POLE: variants seen among roughly 807,000 people sequenced by gnomAD.
The protein encoded by POLE is DNA polymerase epsilon catalytic subunit A.
POLE carries 188 observed loss-of-function variants against 279.2 expected under a neutral mutation model. The observed-to-expected ratio is 0.67, with a 90% CI of 0.60 to 0.76. The LOEUF (loss-of-function observed/expected upper bound fraction) is 0.76, where lower values mean the gene tolerates loss of function less well. Ranked by LOEUF, POLE falls within the 30% of genes least tolerant of loss-of-function variation. The pLI is 0.00. For synonymous variants in POLE, 1,214 were observed against 1,172.5 expected, an observed-to-expected ratio of 1.04 and a Z score of -0.72; for missense variants, 2,703 against 3,016.7, an observed-to-expected ratio of 0.90 and a Z score of 2.44.
intron 39 of POLE, chr12:132,641,122 G>GTCT: frequency 2.2e-6 from 1 of 453,332 alleles, no homozygotes. Context: ...GCTGATGTGG[G>GTCT]GACAGAGGCA....
In POLE at chr12:132,660,974, T is replaced by C. The variant is rs763251894; in HGVS notation, c.3055A>G (p.Ser1019Gly). ...VADYWLDVLY[S>G]KAANMPDSEL... is the part of the protein sequence containing the mutation. ...GGTGGAGGGTAGGCCTTTACCTTGCTGTACAGCACGTCCAGCCAGTAGTCA... is the reference window on the plus strand; with the variant it reads ...GGTGGAGGGTAGGCCTTTACCTTGCCGTACAGCACGTCCAGCCAGTAGTCA... The change falls in exon 25 of 49, where the codon AGC (serine) becomes GGC (glycine). Residue 1019 changes from serine to glycine, a missense_variant. By Grantham distance (56) the Ser-to-Gly change is moderately conservative. Around this residue, in one of 5 missense-constraint regions of POLE, gnomAD observed 1,551 missense variants for 1,686.1 expected, o/e 0.92. Coordinates refer to ENST00000320574, the MANE Select transcript of POLE (RefSeq NM_006231.4). 2 of 1,607,920 alleles carry C rather than the reference T, an allele frequency of 1.2e-6. No homozygotes were observed. The highest frequency in any genetic ancestry group is 1.7e-5 in the Admixed American group (1 of 59,236).
chr12:132,654,515 A>AT (rs1358728571), intron 29 of POLE, among the ~76,000 whole-genome samples: 1 of 152,130 alleles, frequency 6.6e-6, no homozygotes, highest in Non-Finnish European at 1.5e-5. Context: ...GAATCCTTCC[A>AT]TTTTTTTAGG....
In POLE at chr12:132,648,936, T is replaced by G. The variant is rs1593748376; in HGVS notation, c.4142A>C (p.Tyr1381Ser). The G allele has an allele frequency of 1.2e-6, 2 of 1,612,210 alleles. No homozygotes were observed. Among genetic ancestry groups the G allele is most frequent in the Non-Finnish European group, 1.7e-6 (2 of 1,178,698 alleles). ...RVAKAEEGAS[Y>S]RKVNRVLPRS... ...GCACCAGCTCCTCCCTACCTTGCGATACGAAGCACCCTCCTCCGCTTTAGC... is the reference window on the plus strand; with the variant it reads ...GCACCAGCTCCTCCCTACCTTGCGAGACGAAGCACCCTCCTCCGCTTTAGC... The change falls in exon 32 of 49, where the codon TAT becomes TCT. Residue 1381 changes from tyrosine to serine, a missense_variant. This residue lies in a region of POLE where 1,551 missense variants were observed against 1,686.1 expected (regional missense o/e 0.92). Coordinates refer to ENST00000320574, the MANE Select transcript of POLE (RefSeq NM_006231.4).
In POLE at chr12:132,673,701, C is replaced by A; in HGVS notation, c.1233G>T (p.Val411=). The A allele has an allele frequency of 6.2e-7, 1 of 1,613,760 alleles. No homozygotes were observed. The highest frequency in any genetic ancestry group is 8.5e-7 in the Non-Finnish European group (1 of 1,179,970). ...CCACAGGAAGGTAACTGTCCCTCTT[C>A]ACCCACCTGGAAGGAGAATGAGAAC... is the stretch of plus-strand genomic sequence containing the variant. The part of the protein sequence containing the change: ...QCIHMDCLRW[V]KRDSYLPVGS... The change falls in exon 13 of 49, where the codon GTG becomes GTT. Residue 411 remains valine (V), a synonymous_variant. Transcript: ENST00000320574.
Position 132,624,226 on chromosome 12 carries a change from C to G in POLE, c.*471G>C, listed in dbSNP as rs1024470033. 1 of 236,706 alleles carries G rather than the reference C, an allele frequency of 4.2e-6. No homozygotes were observed. Among genetic ancestry groups the G allele is most frequent in the African/African-American group, 2.2e-5 (1 of 44,844 alleles). 14.7% of individuals were successfully genotyped at this position (236,706 alleles called of 1,614,324 possible). On this transcript the variant is annotated 3_prime_UTR_variant, in exon 49 of 49. Coordinates refer to ENST00000320574, the MANE Select transcript of POLE (RefSeq NM_006231.4). The stretch of plus-strand genomic sequence containing the variant: ...GGGCCAGCCCATTTCTCCATGCAAA[C>G]AGGTGAGACTCCAGCCCCACCAGGG...
rs139836643 is a variant in POLE at position 132,673,283 on chromosome 12, G to A, written c.1360-6C>T. ...ACAGAATACGTGGCCAGAGTCTGAGGAGAGAACGCCAGAGAGCAGGGCCAT... is the reference window on the plus strand; with the variant it reads ...ACAGAATACGTGGCCAGAGTCTGAGAAGAGAACGCCAGAGAGCAGGGCCAT... On this transcript the variant is annotated splice_region_variant and splice_polypyrimidine_tract_variant and intron_variant, in intron 13 of 48. Coordinates refer to ENST00000320574, the MANE Select transcript of POLE (RefSeq NM_006231.4). The A allele has an allele frequency of 2.4e-4, 376 of 1,574,938 alleles. 3 individuals carry two copies. In the African/African-American group the frequency reaches 3.5e-3, roughly 15 times the overall value.
Position 132,638,040 on chromosome 12 carries a change from G to T in POLE, c.5652C>A (p.Ile1884=), listed in dbSNP as rs567300887. Residue 1884 remains isoleucine (I), a synonymous_variant, in exon 41 of 49, where the codon ATC becomes ATA. Transcript: ENST00000320574. ...CTKKRRVEDA[I]AYVEYITSSI... Reference sequence around the variant, plus strand: ...TGCTGGTGATGTACTCCACGTAAGCGATGGCATCTTCCACACGGCGCTTCT... The same window carrying T: ...TGCTGGTGATGTACTCCACGTAAGCTATGGCATCTTCCACACGGCGCTTCT... 6.2e-7 allele frequency: 1 copy of T among 1,614,030 alleles called. No individual in the cohort carries two copies. The highest frequency in any genetic ancestry group is 8.5e-7 in the Non-Finnish European group (1 of 1,179,944).
rs1593694198 is a variant in POLE at position 132,624,972 on chromosome 12, A to C, written c.6680T>G (p.Val2227Gly). 1 of 1,613,756 alleles carries C rather than the reference A, an allele frequency of 6.2e-7. No individual in the cohort carries two copies. The highest frequency in any genetic ancestry group is 8.5e-7 in the Non-Finnish European group (1 of 1,179,926). ...QDLVCLKCRG[V>G]KETSMPVYCS... is the part of the protein sequence containing the mutation. ...GTACACAGGCATGCTGGTCTCCTTCACCCCGCGGCACTTCAGGCAGACCTG... is the reference window on the plus strand; with the variant it reads ...GTACACAGGCATGCTGGTCTCCTTCCCCCCGCGGCACTTCAGGCAGACCTG... Residue 2227 changes from valine (V) to glycine (G), a missense_variant, in exon 48 of 49, where the codon GTG becomes GGG. Val to Gly is a moderately radical substitution (Grantham distance 109). This residue lies in a region of POLE where 1,551 missense variants were observed against 1,686.1 expected (regional missense o/e 0.92). Transcript: ENST00000320574.
rs190375387 is a variant in POLE, at chr12:132,686,527, G to A, written c.62+727C>T. ...AGGCGGGCGGATCACCTGAGGTCAG[G>A]AGTTCGAGACCAGCCTGGCCAACAT... On this transcript the variant is annotated intron_variant, in intron 1 of 48. Transcript: ENST00000320574. 7.5e-3 allele frequency among the ~76,000 whole-genome samples: 1,137 copies of A among 152,136 alleles called. 12 individuals are homozygous for A. The highest frequency in any genetic ancestry group is 0.026 in the African/African-American group (1,084 of 41,526).
In POLE at chr12:132,648,853, G is replaced by A. The variant is rs146891281; in HGVS notation, c.4149+76C>T. 1,986 of 1,466,110 alleles carry A rather than the reference G, an allele frequency of 1.4e-3. 2 individuals are homozygous for A. Among genetic ancestry groups the A allele is most frequent in the Non-Finnish European group, 1.7e-3 (1,826 of 1,075,798 alleles). 90.8% of individuals were successfully genotyped at this position (1,466,110 alleles called of 1,614,324 possible). ...TAAGGTACTGAGGAGATGGAGGCTG[G>A]AGGCCAGGCTAGATCATGGGAAAGC... On this transcript the variant is annotated intron_variant, in intron 32 of 48. Transcript: ENST00000320574.
intron 29 of POLE, among the ~76,000 whole-genome samples, chr12:132,652,433 CA>C (rs1184509128): frequency 6.6e-6 from 1 of 151,690 alleles, no homozygotes; most frequent in Non-Finnish European, 1.5e-5. Flanking sequence ...GTGATCCTCC[CA>C]CCTCAGCCTC....
intron 32 of POLE, among the ~76,000 whole-genome samples, chr12:132,647,058 T>C (rs2042301580): frequency 6.6e-6 from 1 of 152,170 alleles, no homozygotes. Context: ...TACATCATCT[T>C]ACTTAGTCAT....
chr12:132,662,462 C>A (rs183653474), intron 23 of POLE, among the ~76,000 whole-genome samples: 2 of 152,304 alleles, frequency 1.3e-5, no homozygotes, highest in African/African-American at 4.8e-5. Context: ...AAGAAAGGGG[C>A]AGACTCATGT....
At chr12:132,646,388 T>C (rs1225594473) in intron 32 of POLE, among the ~76,000 whole-genome samples, 1 of 152,168 alleles carries the variant, frequency 6.6e-6, no homozygotes, top group Admixed American at 6.5e-5. Flanking sequence ...CATTTAAAAA[T>C]CTGCACTTAA....
At chr12:132,656,751 T>C (rs1177804394) in intron 29 of POLE, among the ~76,000 whole-genome samples, 1 of 152,254 alleles carries the variant, frequency 6.6e-6, no homozygotes, top group Non-Finnish European at 1.5e-5. Flanking sequence ...CTTTTGCTCT[T>C]CTGACTTTCA....
intron 45 of POLE, among the ~76,000 whole-genome samples, chr12:132,631,057 T>C (rs2041924710): frequency 6.6e-6 from 1 of 152,218 alleles, no homozygotes; most frequent in Non-Finnish European, 1.5e-5. Flanking sequence ...GCAACGCAAA[T>C]GTCCTTCCAC....
intron 26 of POLE, chr12:132,658,251 C>T (rs1048531650): frequency 1.5e-5 from 5 of 342,186 alleles, no homozygotes; most frequent in East Asian, 6.5e-5. Context: ...CATGCGTGTG[C>T]GTAGACATGT....
In POLE at chr12:132,661,166, T is replaced by C. The variant is rs867360056; in HGVS notation, c.2865-2A>G. ...CCGTCTTCATTGAACACAGCATACCTGAAAAAAAAAAAAAAGGCAAGCACA... is the reference window on the plus strand; with the variant it reads ...CCGTCTTCATTGAACACAGCATACCCGAAAAAAAAAAAAAAGGCAAGCACA... On this transcript the variant is annotated splice_acceptor_variant, in intron 24 of 48. Coordinates refer to ENST00000320574, the MANE Select transcript of POLE (RefSeq NM_006231.4). LOFTEE classifies it high-confidence loss of function. The surrounding 1 kb of genome is among the most constrained non-coding windows in gnomAD (Gnocchi z 4.1). The C allele has an allele frequency of 2.0e-6, 3 of 1,518,818 alleles. No individual in the cohort carries two copies. Among genetic ancestry groups the C allele is most frequent in the Non-Finnish European group, 2.6e-6 (3 of 1,136,354 alleles). 94.1% of individuals were successfully genotyped at this position (1,518,818 alleles called of 1,614,324 possible).
rs1171630569 is a variant in POLE at position 132,641,642 on chromosome 12, G to A, written c.5378+5C>T. 7 of 1,611,682 alleles carry A rather than the reference G, an allele frequency of 4.3e-6. No homozygotes were observed. In the African/African-American group the frequency reaches 9.3e-5, roughly 22 times the overall value. On this transcript the variant is annotated splice_donor_5th_base_variant and intron_variant, in intron 39 of 48. Transcript: ENST00000320574. ...AGTAACACTCCTTCCCAGAGAGGGT[G>A]GCACCTGAAGGTGTTAGAGCACAGG...
Sources: gnomAD v4.1 joint callset for allele counts (sites outside exome capture counted in the v4.1 genomes callset) on GRCh38, gnomAD v4.1.1 for gene constraint, gnomAD v4.1.1 regional missense constraint, Gnocchi (gnomAD v3.1) non-coding constraint, MANE v1.5 for transcripts, NCBI Gene and HGNC (gene_info 2026-07-23, HGNC 2026-07-21) for gene names.